The following FYB1 variants were observed in gnomAD, a reference collection of about 807,000 sequenced individuals.
FYB1 encodes FYN binding protein 1.
Under a neutral mutation model 94.1 loss-of-function variants are expected in FYB1, and 41 were observed. The observed-to-expected ratio is 0.44, with a 90% confidence interval of 0.34 to 0.57. The LOEUF is 0.57. Among genes scored for constraint, FYB1 ranks in the 20% least tolerant of loss-of-function variants. The pLI is 0.02. For missense variants in FYB1, 1,050 were observed against 976.8 expected, an observed-to-expected ratio of 1.07 and a Z score of -1.00; for synonymous variants, 367 against 353.2, an observed-to-expected ratio of 1.04 and a Z score of -0.44.
intron 3 of FYB1, among the ~76,000 whole-genome samples, chr5:39,145,357 A>G (rs1411353229): frequency 6.6e-6 from 1 of 152,200 alleles, no homozygotes; most frequent in African/African-American, 2.4e-5. Context: ...ATGAAATTAA[A>G]TATGTTAATA....
chr5:39,160,402 A>G lies in FYB1; in HGVS notation c.1136-6798T>C, dbSNP rs186023250. ...CCTCAAATTAGTCATGTCTAATCCTAGATTTGTTCGAGAATCTTAGAATAG... is the reference window on the plus strand; with the variant it reads ...CCTCAAATTAGTCATGTCTAATCCTGGATTTGTTCGAGAATCTTAGAATAG... On this transcript the variant is annotated intron_variant, in intron 2 of 18. Coordinates refer to ENST00000512982, the MANE Select transcript of FYB1 (RefSeq NM_001465.6). 6.8e-4 allele frequency among the ~76,000 whole-genome samples: 103 copies of G among 152,328 alleles called. 1 individual carries two copies. The highest frequency in any genetic ancestry group is 2.9e-5 in the Non-Finnish European group (2 of 68,018).
At chr5:39,108,954 T>C (rs928464142) in intron 17 of FYB1, among the ~76,000 whole-genome samples, 1 of 152,088 alleles carries the variant, frequency 6.6e-6, no homozygotes, top group Non-Finnish European at 1.5e-5. Context: ...AGACAAAAAT[T>C]TGAGTAAGAG....
chr5:39,241,376 A>C (rs1453656981), intron 1 of FYB1, among the ~76,000 whole-genome samples: 1 of 152,176 alleles, frequency 6.6e-6, no homozygotes, highest in Non-Finnish European at 1.5e-5. Flanking sequence ...AGGACCTATG[A>C]GTCTGGTCCA....
intron 2 of FYB1, among the ~76,000 whole-genome samples, chr5:39,185,194 TA>T (rs1746634978): frequency 6.6e-6 from 1 of 152,102 alleles, no homozygotes; most frequent in Non-Finnish European, 1.5e-5. Context: ...CCCAGATAAA[TA>T]ATTAACTTCT....
chr5:39,181,349 G>T (rs1230186052), intron 2 of FYB1, among the ~76,000 whole-genome samples: 1 of 151,618 alleles, frequency 6.6e-6, no homozygotes, highest in Non-Finnish European at 1.5e-5. Flanking sequence ...TTTAAGATGT[G>T]GCTAGTGCAA....
intron 1 of FYB1, among the ~76,000 whole-genome samples, chr5:39,216,506 TCA>T (rs1037001839): frequency 6.6e-6 from 1 of 152,084 alleles, no homozygotes; most frequent in Non-Finnish European, 1.5e-5. Context: ...TCTCAACCCA[TCA>T]CCTAGGTATC....
chr5:39,181,276 C>T (rs868206259), intron 2 of FYB1, among the ~76,000 whole-genome samples: 34 of 152,288 alleles, frequency 2.2e-4, no homozygotes, highest in African/African-American at 7.2e-4. Flanking sequence ...AATGTTTGTG[C>T]TTATATAGCG....
chr5:39,159,245 G>T (rs1330498136), intron 2 of FYB1, among the ~76,000 whole-genome samples: 1 of 152,104 alleles, frequency 6.6e-6, no homozygotes, highest in Non-Finnish European at 1.5e-5. Flanking sequence ...TTTTAGCCGT[G>T]GGCTGGCAAC....
Position 39,119,011 on chromosome 5 carries a change from T to C in FYB1, c.2264A>G (p.Tyr755Cys). ...FKYDGEIRVL[Y>C]STKVTTSITS... ...TATGGAAGTTGTAACTTTAGTTGAATATAGGACTCTAATTTCACCATCATA... is the reference window on the plus strand; with the variant it reads ...TATGGAAGTTGTAACTTTAGTTGAACATAGGACTCTAATTTCACCATCATA... Residue 755 changes from tyrosine to cysteine, a missense_variant, in exon 16 of 19, where the codon TAT becomes TGT. By Grantham distance (194) the Tyr-to-Cys change is radical. Coordinates refer to ENST00000512982, the MANE Select transcript of FYB1 (RefSeq NM_001465.6). 3 of 1,446,074 alleles carry C rather than the reference T, an allele frequency of 2.1e-6. No individual in the cohort carries two copies. The South Asian group carries it at 4.3e-5, about 21-fold the overall frequency. 89.6% of individuals were successfully genotyped at this position (1,446,074 alleles called of 1,614,324 possible).
At chr5:39,117,299 T>C (rs1312194105) in intron 16 of FYB1, among the ~76,000 whole-genome samples, 3 of 152,204 alleles carry the variant, frequency 2.0e-5, no homozygotes, top group Non-Finnish European at 2.9e-5. Context: ...CATATTACTA[T>C]CATAATTTTC....
At chr5:39,256,616 C>A (rs559948286) in intron 1 of FYB1, among the ~76,000 whole-genome samples, 1 of 152,146 alleles carries the variant, frequency 6.6e-6, no homozygotes, top group African/African-American at 2.4e-5. Flanking sequence ...GAAGCTACGA[C>A]GATTTCACCC....
chr5:39,273,951 G>A (rs1285144791), intron 1 of FYB1, among the ~76,000 whole-genome samples: 7 of 151,574 alleles, frequency 4.6e-5, no homozygotes, highest in Non-Finnish European at 1.0e-4. Flanking sequence ...TTGAGACAGA[G>A]TCTTGCTCTG....
intron 1 of FYB1, among the ~76,000 whole-genome samples, chr5:39,243,902 A>C (rs1281771660): frequency 6.6e-6 from 1 of 152,158 alleles, no homozygotes; most frequent in Non-Finnish European, 1.5e-5. Flanking sequence ...TCTTTGAAGC[A>C]ATTGTGAATG....
chr5:39,219,155 C>T (rs915076941), intron 1 of FYB1, among the ~76,000 whole-genome samples: 9 of 152,156 alleles, frequency 5.9e-5, no homozygotes, highest in African/African-American at 1.4e-4. Flanking sequence ...CTAGTGGCAC[C>T]AGAGGTTCCA....
At chr5:39,144,674 C>T (rs1341279167) in intron 3 of FYB1, among the ~76,000 whole-genome samples, 4 of 152,072 alleles carry the variant, frequency 2.6e-5, no homozygotes, top group East Asian at 1.9e-4. Context: ...TGGTGGCGGG[C>T]GTCTGTAATC....
intron 2 of FYB1, among the ~76,000 whole-genome samples, chr5:39,180,949 A>G (rs1746165692): frequency 1.3e-5 from 2 of 152,206 alleles, no homozygotes; most frequent in Non-Finnish European, 2.9e-5. Context: ...TATTTCTGGA[A>G]CAGAAATTCA....
chr5:39,107,507 C>T, intron 18 of FYB1, 42 bp from the exon 19 acceptor site: 2 of 1,373,840 alleles, frequency 1.5e-6, no homozygotes, highest in African/African-American at 1.4e-5. Flanking sequence ...TTATTAAAAA[C>T]ATATTCTCTA....
intron 9 of FYB1, among the ~76,000 whole-genome samples, chr5:39,131,298 G>GA (rs767656327): frequency 5.3e-5 from 8 of 152,050 alleles, no homozygotes; most frequent in African/African-American, 9.7e-5. Flanking sequence ...TGTGAGAATG[G>GA]AAAAAATCCC....
chr5:39,128,072 A>C (rs749754329), intron 10 of FYB1, among the ~76,000 whole-genome samples: 1 of 149,598 alleles, frequency 6.7e-6, no homozygotes, highest in Admixed American at 6.6e-5. Flanking sequence ...AAGTAAACTT[A>C]AATAGGGCAT....
Sources: allele counts gnomAD v4.1 joint callset (sites outside exome capture counted in the v4.1 genomes callset), GRCh38; gene constraint gnomAD v4.1.1; transcripts MANE v1.5; gene names NCBI Gene and HGNC (gene_info 2026-07-23, HGNC 2026-07-21).